Variants in DIP2C observed in about 807,000 individuals in gnomAD.
The protein encoded by DIP2C is DIP2 acetate--CoA ligase C (putative).
In DIP2C, 33 loss-of-function variants were observed where a neutral mutation model predicts 192.4. That is an observed-to-expected ratio of 0.17 (90% CI 0.13 to 0.23). The LOEUF (loss-of-function observed/expected upper bound fraction) is 0.23, where lower values mean the gene tolerates loss of function less well. DIP2C is among the 10% of genes least tolerant of loss of function. The pLI, the probability that DIP2C is intolerant of heterozygous loss-of-function variation, is 1.00. For synonymous variants in DIP2C, 979 were observed against 864.1 expected (o/e 1.13, Z -2.33); for missense variants, 1,537 against 2,110.1 (o/e 0.73, Z 5.32).
intron 31 of DIP2C, chr10:324,894 T>C (rs750761900): frequency 1.9e-6 from 1 of 528,696 alleles, no homozygotes; most frequent in African/African-American, 1.9e-5. Flanking sequence ...TGTTTTTCTT[T>C]CATCTCCATG....
intron 13 of DIP2C, 123 bp downstream of exon 13, chr10:389,868 G>A: frequency 2.6e-6 from 2 of 765,676 alleles, no homozygotes; most frequent in South Asian, 3.4e-5. Flanking sequence ...ATAAGTTCAT[G>A]TCAGCGGAGC....
At chr10:488,285 G>T (rs978951117) in intron 1 of DIP2C, among the ~76,000 whole-genome samples, 2 of 152,172 alleles carry the variant, frequency 1.3e-5, no homozygotes, top group African/African-American at 4.8e-5. Flanking sequence ...CTGGAGACAC[G>T]CTCTGTGCTC....
intron 3 of DIP2C, among the ~76,000 whole-genome samples, chr10:453,508 G>A (rs1342560860): frequency 2.0e-5 from 3 of 152,200 alleles, no homozygotes; most frequent in Non-Finnish European, 4.4e-5. Flanking sequence ...CAGGACAGAG[G>A]GCAGTGATTG....
At chr10:511,168 T>C (rs762367523) in intron 1 of DIP2C, among the ~76,000 whole-genome samples, 1 of 152,176 alleles carries the variant, frequency 6.6e-6, no homozygotes, top group African/African-American at 2.4e-5. Flanking sequence ...GAACACACTG[T>C]CGCGATGCTG....
chr10:560,554 A>G (rs1282188968), intron 1 of DIP2C, among the ~76,000 whole-genome samples: 1 of 152,202 alleles, frequency 6.6e-6, no homozygotes, highest in African/African-American at 2.4e-5. Flanking sequence ...CTTGATTCTC[A>G]GGCTGGTTTC....
At chr10:335,876 T>C (rs1314638114) in intron 29 of DIP2C, among the ~76,000 whole-genome samples, 1 of 152,184 alleles carries the variant, frequency 6.6e-6, no homozygotes, top group Non-Finnish European at 1.5e-5. Flanking sequence ...AAATTTCCTA[T>C]TTTACTCAAA....
At chr10:617,668 C>G (rs959122409) in intron 1 of DIP2C, among the ~76,000 whole-genome samples, 1 of 151,394 alleles carries the variant, frequency 6.6e-6, no homozygotes, top group Non-Finnish European at 1.5e-5. Context: ...CCCCCACCCC[C>G]ACCCCTGCTT....
intron 1 of DIP2C, among the ~76,000 whole-genome samples, chr10:515,324 G>A (rs1273975987): frequency 6.6e-6 from 1 of 152,198 alleles, no homozygotes; most frequent in Non-Finnish European, 1.5e-5. Context: ...TTTAACATAT[G>A]CATAGTTATT....
At chr10:489,080 G>A (rs1038092873) in intron 1 of DIP2C, among the ~76,000 whole-genome samples, 3 of 152,200 alleles carry the variant, frequency 2.0e-5, no homozygotes, top group Non-Finnish European at 2.9e-5. Context: ...GGCTTGATGT[G>A]CATGCTACCC....
chr10:669,676 T>C (rs1246777607), intron 1 of DIP2C: 2 of 152,250 alleles, frequency 1.3e-5, no homozygotes, highest in African/African-American at 4.8e-5. Flanking sequence ...CTTGTTTCCC[T>C]GAATTCTCAC....
chr10:423,078 G>A (rs758527366), intron 4 of DIP2C, 45 bp from the exon 5 acceptor site: 18 of 1,519,740 alleles, frequency 1.2e-5, no homozygotes, highest in Middle Eastern at 1.8e-4. Flanking sequence ...CAGCAAAAAC[G>A]TGCACCACAA....
Position 596,540 on chromosome 10 carries a change from C to A in DIP2C, c.85+92954G>T, listed in dbSNP as rs189612292. 2.1e-5 allele frequency among the ~76,000 whole-genome samples: 3 copies of A among 142,172 alleles called. No homozygotes were observed. The East Asian group carries it at 6.8e-4, about 32-fold the overall frequency. The allele number at this position is 142,172 out of a possible 152,430, so 93.3% of individuals were successfully genotyped here. A position where few individuals can be genotyped will look rare whatever the true frequency, so the allele number is the denominator to read the frequency against. On this transcript the variant is annotated intron_variant, in intron 1 of 36. Transcript: ENST00000280886. ...AAAAAAAAAAAAGTATTAAGTTTTC[C>A]TTCCAATGAACCTATCATTCTGCCA... is the stretch of plus-strand genomic sequence containing the variant.
At chr10:547,037 T>C (rs1184275395) in intron 1 of DIP2C, among the ~76,000 whole-genome samples, 1 of 152,172 alleles carries the variant, frequency 6.6e-6, no homozygotes, top group Non-Finnish European at 1.5e-5. Flanking sequence ...GAAGAAGCGG[T>C]TCTGCAGGTT....
At chr10:568,018 C>T (rs1466501892) in intron 1 of DIP2C, among the ~76,000 whole-genome samples, 2 of 152,210 alleles carry the variant, frequency 1.3e-5, no homozygotes, top group South Asian at 2.1e-4. Flanking sequence ...GACTACAACA[C>T]TCGAAGCATC....
chr10:541,228 C>T (rs1270594533), intron 1 of DIP2C, among the ~76,000 whole-genome samples: 1 of 152,186 alleles, frequency 6.6e-6, no homozygotes, highest in Non-Finnish European at 1.5e-5. Flanking sequence ...GCCACCACCG[C>T]CGACATCCAC....
chr10:286,508 CCACAGCCTCACAAT>C (rs370960470), intron 33 of DIP2C, among the ~76,000 whole-genome samples, 161 bp from the exon 34 acceptor site: 193 of 151,696 alleles, frequency 1.3e-3, no homozygotes, highest in African/African-American at 4.3e-3. Context: ...CATTATACAA[CCACAGCCTCACAAT>C]CACAGCCTCA....
At chr10:395,567 T>C (rs1310766969) in intron 10 of DIP2C, among the ~76,000 whole-genome samples, 1 of 152,232 alleles carries the variant, frequency 6.6e-6, no homozygotes, top group African/African-American at 2.4e-5. Flanking sequence ...TGACCACTGG[T>C]TGGCACAGTA....
chr10:289,589 C>G (rs1049363844), intron 32 of DIP2C, among the ~76,000 whole-genome samples: 6 of 152,128 alleles, frequency 3.9e-5, no homozygotes. Context: ...TGAAACACAC[C>G]AAGAACCCAC....
At chr10:510,492 G>A (rs566852617) in intron 1 of DIP2C, among the ~76,000 whole-genome samples, 1 of 152,320 alleles carries the variant, frequency 6.6e-6, no homozygotes, top group African/African-American at 2.4e-5. Flanking sequence ...TGGGGTTCTC[G>A]TGACCACCTT....
Sources: allele counts gnomAD v4.1 joint callset (sites outside exome capture counted in the v4.1 genomes callset), GRCh38; gene constraint gnomAD v4.1.1; transcripts MANE v1.5; gene names NCBI Gene and HGNC (gene_info 2026-07-23, HGNC 2026-07-21).